Variants in LRP1B observed in about 807,000 individuals in gnomAD.
LRP1B encodes the protein low-density lipoprotein receptor-related protein 1B.
In LRP1B, 217 loss-of-function variants were observed where a neutral mutation model predicts 556.6. That is an observed-to-expected ratio of 0.39 (90% confidence interval 0.35 to 0.44). LRP1B has a LOEUF of 0.44. Among genes scored for constraint, LRP1B ranks in the 20% least tolerant of loss-of-function variants. The pLI, the probability that LRP1B is intolerant of heterozygous loss-of-function variation, is 1.00. For synonymous variants in LRP1B, 2,047 were observed against 1,865.8 expected, an observed-to-expected ratio of 1.10 and a Z score of -2.50; for missense variants, 5,053 against 5,620.8, an observed-to-expected ratio of 0.90 and a Z score of 3.23.
chr2:140,375,759 G>A (rs546558796), intron 68 of LRP1B, among the ~76,000 whole-genome samples: 86 of 151,846 alleles, frequency 5.7e-4, no homozygotes, highest in Non-Finnish European at 7.9e-4. Context: ...AACATATTAC[G>A]CTAAATGTAG....
At chr2:140,876,384 T>G (rs1010217599) in intron 25 of LRP1B, among the ~76,000 whole-genome samples, 11 of 152,184 alleles carry the variant, frequency 7.2e-5, no homozygotes, top group African/African-American at 2.7e-4. Flanking sequence ...TATTGTTAGC[T>G]TATGGCAATA....
Position 141,212,579 on chromosome 2 carries a change from G to A in LRP1B, c.850+16604C>T, listed in dbSNP as rs180915359. On this transcript the variant is annotated intron_variant, in intron 6 of 90. Transcript: ENST00000389484. ...GATTACACACGTGAGCGACCATGCC[G>A]GCCAAAAAGTCTAGATTCTAAATAG... Among the ~76,000 whole-genome samples, 363 of 151,408 alleles carry A rather than the reference G, an allele frequency of 2.4e-3. 2 individuals carry two copies. Among genetic ancestry groups the A allele is most frequent in the Non-Finnish European group, 4.1e-3 (275 of 67,834 alleles).
intron 7 of LRP1B, among the ~76,000 whole-genome samples, chr2:141,063,717 T>C (rs1699403536): frequency 6.6e-6 from 1 of 151,856 alleles, no homozygotes; most frequent in Non-Finnish European, 1.5e-5. Context: ...TCTGTTTCTA[T>C]AAGGACTACC....
At chr2:140,937,800 G>C (rs1695273638) in intron 20 of LRP1B, among the ~76,000 whole-genome samples, 1 of 151,814 alleles carries the variant, frequency 6.6e-6, no homozygotes, top group Non-Finnish European at 1.5e-5. Context: ...AAAATATATT[G>C]GTTTTAATTT....
intron 2 of LRP1B, among the ~76,000 whole-genome samples, chr2:141,719,050 CT>C (rs1367148008): frequency 7.2e-5 from 11 of 152,208 alleles, no homozygotes; most frequent in Admixed American, 1.3e-4. Flanking sequence ...GAAATTCTGA[CT>C]TTCCCCCCCA....
intron 7 of LRP1B, among the ~76,000 whole-genome samples, chr2:141,123,882 G>C (rs1312194676): frequency 1.3e-5 from 2 of 152,030 alleles, no homozygotes; most frequent in East Asian, 3.9e-4. Context: ...TAAAATAAAT[G>C]CATTTCCTAA....
chr2:140,748,815 ATATAAT>A (rs1363580709), intron 35 of LRP1B, among the ~76,000 whole-genome samples: 2 of 94,168 alleles, frequency 2.1e-5, no homozygotes, highest in African/African-American at 8.8e-5. Flanking sequence ...ATATACATGT[ATATAAT>A]ATATATCATA....
intron 2 of LRP1B, among the ~76,000 whole-genome samples, chr2:141,555,008 G>A (rs1274763736): frequency 6.6e-6 from 1 of 151,972 alleles, no homozygotes; most frequent in African/African-American, 2.4e-5. Context: ...TCTGTTGGTA[G>A]TGACTGTCCC....
At chr2:140,325,939 T>C in intron 79 of LRP1B, 61 bp from the exon 80 acceptor site, 1 of 1,051,696 alleles carries the variant, frequency 9.5e-7, no homozygotes. Flanking sequence ...TTCAAAATCA[T>C]ACTTTTGCTT....
chr2:140,944,280 C>A (rs934585538), intron 20 of LRP1B, among the ~76,000 whole-genome samples: 1 of 151,834 alleles, frequency 6.6e-6, no homozygotes, highest in African/African-American at 2.4e-5. Flanking sequence ...ATAATAAATA[C>A]CTTACCAGGC....
At chr2:141,138,744 G>A (rs1701552449) in intron 7 of LRP1B, among the ~76,000 whole-genome samples, 1 of 151,732 alleles carries the variant, frequency 6.6e-6, no homozygotes, top group South Asian at 2.1e-4. Flanking sequence ...TGAAAGATAG[G>A]CCTTGTTTAT....
At chr2:141,685,754 CA>C (rs1422913010) in intron 2 of LRP1B, among the ~76,000 whole-genome samples, 3 of 151,948 alleles carry the variant, frequency 2.0e-5, no homozygotes, top group African/African-American at 4.8e-5. Flanking sequence ...CTGGAAAACA[CA>C]AGGAATAGAT....
intron 35 of LRP1B, among the ~76,000 whole-genome samples, chr2:140,748,428 T>C (rs1688421329): frequency 1.0e-5 from 1 of 99,222 alleles, no homozygotes; most frequent in Non-Finnish European, 2.0e-5. Flanking sequence ...ATATATATTA[T>C]ATTTATATAT....
At chr2:141,985,004 A>G (rs1317786086) in intron 1 of LRP1B, among the ~76,000 whole-genome samples, 2 of 152,166 alleles carry the variant, frequency 1.3e-5, no homozygotes, top group East Asian at 1.9e-4. Context: ...AGAATTTACT[A>G]TTAACAAATT....
chr2:140,335,520 A>G, intron 78 of LRP1B, 95 bp downstream of exon 78: 1 of 766,996 alleles, frequency 1.3e-6, no homozygotes, highest in Non-Finnish European at 2.3e-6. Flanking sequence ...ACTATTACAC[A>G]TTGAACACTC....
intron 41 of LRP1B, among the ~76,000 whole-genome samples, chr2:140,684,624 A>T (rs1685982904): frequency 6.6e-6 from 1 of 152,148 alleles, no homozygotes; most frequent in South Asian, 2.1e-4. Context: ...TTCTACACAT[A>T]CTCATATACA....
intron 7 of LRP1B, among the ~76,000 whole-genome samples, chr2:141,108,077 C>A (rs1310509865): frequency 6.6e-6 from 1 of 151,998 alleles, no homozygotes; most frequent in Non-Finnish European, 1.5e-5. Flanking sequence ...ACTGACTATG[C>A]CTCAGAAAGC....
chr2:141,755,807 G>A (rs1694298508), intron 2 of LRP1B, among the ~76,000 whole-genome samples: 1 of 151,902 alleles, frequency 6.6e-6, no homozygotes, highest in African/African-American at 2.4e-5. Context: ...TACCTATAGG[G>A]TAGAATCCAG....
chr2:141,652,840 C>T (rs923826361), intron 2 of LRP1B, among the ~76,000 whole-genome samples: 1 of 151,974 alleles, frequency 6.6e-6, no homozygotes, highest in African/African-American at 2.4e-5. Flanking sequence ...AAATATACAC[C>T]AAGAGAAGAA....
Sources: gnomAD v4.1 joint callset for allele counts (sites outside exome capture counted in the v4.1 genomes callset) on GRCh38, gnomAD v4.1.1 for gene constraint, MANE v1.5 for transcripts, NCBI Gene and HGNC (gene_info 2026-07-23, HGNC 2026-07-21) for gene names.